The following C4orf50 variants were observed in gnomAD, a reference collection of about 807,000 sequenced individuals.
C4orf50 encodes chromosome 4 open reading frame 50.
In C4orf50, 80 loss-of-function variants were observed where a neutral mutation model predicts 77.2. That is an observed-to-expected ratio of 1.04 (90% CI 0.87 to 1.25). The LOEUF (loss-of-function observed/expected upper bound fraction) is 1.25. Among genes scored for constraint, C4orf50 ranks in the 50% most tolerant of loss-of-function variants. The pLI is 0.00. For synonymous variants in C4orf50, 532 were observed against 465.3 expected (o/e 1.14, Z -1.84); for missense variants, 1,257 against 1,152.9 (o/e 1.09, Z -1.31).
At chr4:5,973,919 G>A (rs1720099688) in intron 30 of C4orf50, 78 bp from the exon 9 acceptor site, 4 of 1,176,248 alleles carry the variant, frequency 3.4e-6, no homozygotes, top group African/African-American at 3.1e-5. Flanking sequence ...GGGCCGGAGG[G>A]TCAGCTGAGG....
chr4:5,975,568 G>C (rs745399710), intron 30 of C4orf50, among the ~76,000 whole-genome samples: 1 of 152,154 alleles, frequency 6.6e-6, no homozygotes, highest in African/African-American at 2.4e-5. Context: ...CTGGAGAGCA[G>C]TGACGTGATC....
chr4:5,986,335 G>A (rs369473489), intron 28 of C4orf50, among the ~76,000 whole-genome samples: 10 of 152,126 alleles, frequency 6.6e-5, no homozygotes, highest in East Asian at 1.9e-4. Context: ...TAGAAATCAA[G>A]GACAAATGTA....
At chr4:5,993,220 G>A (rs1428315644) in intron 26 of C4orf50, among the ~76,000 whole-genome samples, 1 of 152,162 alleles carries the variant, frequency 6.6e-6, no homozygotes, top group Non-Finnish European at 1.5e-5. Context: ...ACCTTTCTAA[G>A]CCTCAGCATC....
At chr4:5,968,192 T>C (rs1332075661) in intron 31 of C4orf50, among the ~76,000 whole-genome samples, 1 of 152,226 alleles carries the variant, frequency 6.6e-6, no homozygotes, top group African/African-American at 2.4e-5. Flanking sequence ...CTCTGCTCTC[T>C]CTCTGTCTCT....
intron 7 of C4orf50, among the ~76,000 whole-genome samples, chr4:5,920,152 G>A (rs1717197713): frequency 6.6e-6 from 1 of 152,196 alleles, no homozygotes; most frequent in Non-Finnish European, 1.5e-5. Context: ...TCCTTAGGAG[G>A]TCCTGGAAAC....
exon 34 of C4orf50, chr4:5,959,479 C>G (rs760239781): frequency 6.2e-7 from 1 of 1,614,046 alleles, no homozygotes; most frequent in Non-Finnish European, 8.5e-7. Context: ...CTCAGGAGCT[C>G]AGAGGGTGCT....
chr4:5,953,287 G>C (rs564585830), downstream of C4orf50, among the ~76,000 whole-genome samples: 1 of 152,194 alleles, frequency 6.6e-6, no homozygotes, highest in South Asian at 2.1e-4. Flanking sequence ...GAATGGCTGG[G>C]AGTCACTGAG....
rs960076994 is a variant in C4orf50, at chr4:6,000,258, C to T, written c.964-5782G>A. Among the ~76,000 whole-genome samples the T allele has an allele frequency of 6.6e-6, 1 of 152,192 alleles. No individual in the cohort carries two copies. Among genetic ancestry groups the T allele is most frequent in the African/African-American group, 2.4e-5 (1 of 41,458 alleles). ...CAGATGTGCAGAGGCCTGGAAGCCA[C>T]AGCCATGGCCACTGAGGCTCATGCA... On this transcript the variant is annotated intron_variant, in intron 25 of 33. Transcript: ENST00000531445. The surrounding 1 kb of genome is among the most constrained non-coding windows in gnomAD (Gnocchi z 6.0).
At chr4:5,942,649 A>T (rs1163932615) in intron 7 of C4orf50, among the ~76,000 whole-genome samples, 1 of 152,200 alleles carries the variant, frequency 6.6e-6, no homozygotes, top group Non-Finnish European at 1.5e-5. Flanking sequence ...ACAAGAGTAT[A>T]AAAAAGGTGC....
chr4:5,943,617 CA>C (rs371632197), intron 7 of C4orf50, among the ~76,000 whole-genome samples: 55 of 152,314 alleles, frequency 3.6e-4, no homozygotes, highest in African/African-American at 1.3e-3. Flanking sequence ...GAGAATCAAA[CA>C]AGAGCACACA....
At chr4:5,947,596 C>T (rs371082719) in intron 7 of C4orf50, among the ~76,000 whole-genome samples, 34 of 152,240 alleles carry the variant, frequency 2.2e-4, no homozygotes, top group Middle Eastern at 3.4e-3. Context: ...TTCAAATCAC[C>T]GACTGGTGAG....
exon 34 of C4orf50, chr4:5,959,412 G>A: frequency 1.9e-6 from 3 of 1,614,216 alleles, no homozygotes; most frequent in East Asian, 2.2e-5. Flanking sequence ...ATGGACCTGG[G>A]AATTGCTGCA....
intron 7 of C4orf50, among the ~76,000 whole-genome samples, chr4:5,948,044 C>G (rs1718557265): frequency 6.6e-6 from 1 of 152,124 alleles, no homozygotes; most frequent in African/African-American, 2.4e-5. Flanking sequence ...TGGGATGAAT[C>G]CACCAATGAA....
chr4:5,913,405 G>T (rs1322987588), intron 7 of C4orf50, among the ~76,000 whole-genome samples: 1 of 149,748 alleles, frequency 6.7e-6, no homozygotes, highest in Non-Finnish European at 1.5e-5. Context: ...TTTGAGTGAG[G>T]GTAGTGAGGG....
exon 29 of C4orf50, chr4:5,980,240 G>C: frequency 1.2e-6 from 2 of 1,612,322 alleles, no homozygotes; most frequent in Non-Finnish European, 1.7e-6. Flanking sequence ...CAGCGCCCTG[G>C]TCCCTGAGCT....
At chr4:5,922,655 A>C (rs1171868339) in intron 7 of C4orf50, among the ~76,000 whole-genome samples, 1 of 152,190 alleles carries the variant, frequency 6.6e-6, no homozygotes, top group Non-Finnish European at 1.5e-5. Context: ...AAGCACCATG[A>C]GGGCAGGAGA....
At chr4:5,990,147 T>C in exon 28 of C4orf50, 1 of 1,261,900 alleles carries the variant, frequency 7.9e-7, no homozygotes, top group South Asian at 3.7e-5. Flanking sequence ...CCTTTGATAC[T>C]GAGGCCTCCC....
At chr4:5,974,655 G>GA (rs1720149665) in intron 30 of C4orf50, among the ~76,000 whole-genome samples, 1 of 152,158 alleles carries the variant, frequency 6.6e-6, no homozygotes, top group Admixed American at 6.5e-5. Context: ...CCTGAGGCCA[G>GA]AGAGAAAGAG....
intron 7 of C4orf50, chr4:5,902,013 A>C (rs1006070745): frequency 6.6e-6 from 1 of 152,168 alleles, no homozygotes; most frequent in Non-Finnish European, 1.5e-5. Context: ...AATTTGGCCT[A>C]CTCTGTTCTC....
Sources: allele counts gnomAD v4.1 joint callset (sites outside exome capture counted in the v4.1 genomes callset), GRCh38; gene constraint gnomAD v4.1.1; non-coding constraint Gnocchi (gnomAD v3.1); transcripts MANE v1.5; gene names NCBI Gene and HGNC (gene_info 2026-07-23, HGNC 2026-07-21).